Variants in PLCB1 observed in about 807,000 individuals in gnomAD.
PLCB1 encodes phospholipase C beta 1.
PLCB1 carries 46 observed loss-of-function variants against 161.8 expected under a neutral mutation model. That is an observed-to-expected ratio of 0.28 (90% CI 0.22 to 0.36). The LOEUF (loss-of-function observed/expected upper bound fraction) is 0.36, where lower values mean the gene tolerates loss of function less well. PLCB1 is among the 10% of genes least tolerant of loss of function. The probability of loss-of-function intolerance (pLI) is 1.00; values close to 1 mark genes in which losing one functional copy is unlikely to be tolerated. For synonymous variants in PLCB1, 517 were observed against 503.7 expected (o/e 1.03, Z -0.35); for missense variants, 1,016 against 1,472.5 (o/e 0.69, Z 5.07).
At chr20:8,804,787 C>T (rs1372559478) in intron 31 of PLCB1, among the ~76,000 whole-genome samples, 2 of 151,876 alleles carry the variant, frequency 1.3e-5, no homozygotes, top group African/African-American at 2.4e-5. Flanking sequence ...GTCAGAAGTT[C>T]GAGACCAGCC....
intron 9 of PLCB1, among the ~76,000 whole-genome samples, chr20:8,669,714 T>G (rs1013898084): frequency 2.0e-5 from 3 of 152,188 alleles, no homozygotes; most frequent in Non-Finnish European, 4.4e-5. Flanking sequence ...TGGCATTCCA[T>G]GCTGTGCTTT....
chr20:8,269,332 G>A (rs1471780692), intron 2 of PLCB1, among the ~76,000 whole-genome samples: 1 of 152,048 alleles, frequency 6.6e-6, no homozygotes, highest in Non-Finnish European at 1.5e-5. Flanking sequence ...AGAACATGCA[G>A]TGTTTGGTTT....
intron 1 of PLCB1, among the ~76,000 whole-genome samples, chr20:8,150,063 C>G (rs747098934): frequency 7.9e-5 from 12 of 151,954 alleles, no homozygotes; most frequent in Non-Finnish European, 2.9e-5. Context: ...AATCATAATG[C>G]TTTTTCCTTT....
chr20:8,832,049 G>A (rs1986039751), intron 31 of PLCB1, among the ~76,000 whole-genome samples: 2 of 149,856 alleles, frequency 1.3e-5, no homozygotes, highest in Admixed American at 6.7e-5. Context: ...TATCCCATAG[G>A]CAGGGTGCCC....
intron 3 of PLCB1, among the ~76,000 whole-genome samples, chr20:8,462,006 C>T (rs1981600683): frequency 6.6e-6 from 1 of 151,674 alleles, no homozygotes; most frequent in Non-Finnish European, 1.5e-5. Context: ...AGTATATTTG[C>T]TTTGAAATAG....
At chr20:8,568,686 A>T (rs952085663) in intron 3 of PLCB1, among the ~76,000 whole-genome samples, 1 of 152,010 alleles carries the variant, frequency 6.6e-6, no homozygotes, top group Non-Finnish European at 1.5e-5. Flanking sequence ...TACACAGAGT[A>T]GGGAAGAATT....
chr20:8,704,348 C>T (rs142664322), intron 11 of PLCB1, among the ~76,000 whole-genome samples: 32 of 146,966 alleles, frequency 2.2e-4, no homozygotes, highest in African/African-American at 7.1e-4. Context: ...AGCAAGACTT[C>T]GTTTCAAAAA....
chr20:8,854,663 C>G (rs1252784878), intron 31 of PLCB1, among the ~76,000 whole-genome samples: 1 of 152,176 alleles, frequency 6.6e-6, no homozygotes, highest in African/African-American at 2.4e-5. Context: ...TTTCTTCTGC[C>G]TCGGCATGAC....
chr20:8,533,552 C>T (rs6086488), intron 3 of PLCB1, among the ~76,000 whole-genome samples: 81,128 of 151,130 alleles, frequency 0.54, 22,819 homozygotes, highest in African/African-American at 0.71. Flanking sequence ...TAATGATTGC[C>T]ATTCTAACTG....
intron 3 of PLCB1, among the ~76,000 whole-genome samples, chr20:8,564,668 G>A (rs578127506): frequency 6.6e-6 from 1 of 152,166 alleles, no homozygotes; most frequent in Admixed American, 6.5e-5. Flanking sequence ...ATCAAAAAGT[G>A]GGCGATGGAT....
intron 3 of PLCB1, among the ~76,000 whole-genome samples, chr20:8,461,197 A>T (rs1302659375): frequency 6.6e-6 from 1 of 152,066 alleles, no homozygotes; most frequent in Non-Finnish European, 1.5e-5. Context: ...GCTCTTTCTT[A>T]TCTCCAATTT....
rs1984933676 is a variant in PLCB1 at position 8,321,820 on chromosome 20, A to G, written c.178-49562A>G. On this transcript the variant is annotated intron_variant, in intron 2 of 31. Coordinates refer to ENST00000338037, the MANE Select transcript of PLCB1 (RefSeq NM_015192.4). ...TGGAGGACTTTGGTCATCATAGCCG[A>G]CATGTCAGTGTCCCCTCGATAGACA... Among the ~76,000 whole-genome samples the G allele has an allele frequency of 1.3e-5, 2 of 152,178 alleles. 1 individual carries two copies. Among genetic ancestry groups the G allele is most frequent in the South Asian group, 4.1e-4 (2 of 4,832 alleles).
intron 2 of PLCB1, among the ~76,000 whole-genome samples, chr20:8,167,476 C>G (rs1055785375): frequency 6.6e-6 from 1 of 152,142 alleles, no homozygotes; most frequent in African/African-American, 2.4e-5. Flanking sequence ...ACATAGCTAC[C>G]TGGTAAATGA....
chr20:8,656,594 C>T (rs1422886557), intron 7 of PLCB1, among the ~76,000 whole-genome samples: 1 of 151,644 alleles, frequency 6.6e-6, no homozygotes, highest in African/African-American at 2.4e-5. Flanking sequence ...ACAATAGGAC[C>T]AGGAGCAGTC....
chr20:8,482,808 T>C (rs1342641675), intron 3 of PLCB1, among the ~76,000 whole-genome samples: 1 of 152,096 alleles, frequency 6.6e-6, no homozygotes, highest in Non-Finnish European at 1.5e-5. Context: ...AAACTTATGC[T>C]CAAAACACAA....
chr20:8,705,851 A>G (rs1389157085), intron 11 of PLCB1, among the ~76,000 whole-genome samples: 1 of 152,104 alleles, frequency 6.6e-6, no homozygotes, highest in African/African-American at 2.4e-5. Context: ...GATTATGATA[A>G]TGAATTTGGA....
At chr20:8,232,481 G>A (rs1980106650) in intron 2 of PLCB1, among the ~76,000 whole-genome samples, 1 of 152,156 alleles carries the variant, frequency 6.6e-6, no homozygotes, top group African/African-American at 2.4e-5. Flanking sequence ...CTAGAGCAAT[G>A]TTATAGGATG....
intron 2 of PLCB1, among the ~76,000 whole-genome samples, chr20:8,332,342 T>G (rs1401390968): frequency 2.0e-5 from 3 of 152,176 alleles, no homozygotes; most frequent in Non-Finnish European, 4.4e-5. Flanking sequence ...TTTTATTTGT[T>G]CCTTGCAAAC....
At chr20:8,563,390 T>C (rs1374267836) in intron 3 of PLCB1, among the ~76,000 whole-genome samples, 2 of 151,958 alleles carry the variant, frequency 1.3e-5, no homozygotes, top group African/African-American at 4.8e-5. Flanking sequence ...CAAGACCCCA[T>C]CATCTCTCTC....
Sources: gnomAD v4.1 joint callset for allele counts (sites outside exome capture counted in the v4.1 genomes callset) on GRCh38, gnomAD v4.1.1 for gene constraint, MANE v1.5 for transcripts, NCBI Gene and HGNC (gene_info 2026-07-23, HGNC 2026-07-21) for gene names.